Variants in VSX2 observed in about 807,000 individuals in gnomAD.
VSX2 encodes the protein ceh-10 homeo domain containing homolog.
VSX2 carries 28 observed loss-of-function variants against 32.1 expected under a neutral mutation model. The observed-to-expected ratio is 0.87, with a 90% CI of 0.65 to 1.20. The LOEUF (loss-of-function observed/expected upper bound fraction) is 1.20, where lower values mean the gene tolerates loss of function less well. Among genes scored for constraint, VSX2 ranks in the 50% most tolerant of loss-of-function variants. The probability of loss-of-function intolerance (pLI) is 0.00; values close to 1 mark genes in which losing one functional copy is unlikely to be tolerated. For synonymous variants in VSX2, 243 were observed against 214.1 expected (o/e 1.14, Z -1.18); for missense variants, 506 against 488.7 (o/e 1.04, Z -0.33).
chr14:74,248,349 AAACAAAAAAAAC>A (rs1038733540), intron 3 of VSX2, among the ~76,000 whole-genome samples: 1 of 140,154 alleles, frequency 7.1e-6, no homozygotes, highest in African/African-American at 2.6e-5. Flanking sequence ...AAAAAAAAAA[AAACAAAAAAAAC>A]CAAAAACGAG....
Position 74,262,286 on chromosome 14 carries a change from G to A in VSX2, c.*1367G>A, listed in dbSNP as rs528062619. 2 of 152,416 alleles carry A rather than the reference G, an allele frequency of 1.3e-5. No homozygotes were observed. The highest frequency in any genetic ancestry group is 4.8e-5 in the African/African-American group (2 of 41,562). 9.4% of individuals were successfully genotyped at this position (152,416 alleles called of 1,614,324 possible). On this transcript the variant is annotated 3_prime_UTR_variant, in exon 5 of 5. Transcript: ENST00000261980. ...TGGCTGATGGGTGGACCTGTGTATG[G>A]TGACCTCTCCGGCCTGGCCTTTTCC...
rs750778630 is a variant in VSX2, at chr14:74,241,168, C to T, written c.371-14C>T. On this transcript the variant is annotated splice_polypyrimidine_tract_variant and intron_variant, in intron 1 of 4. Coordinates refer to ENST00000261980, the MANE Select transcript of VSX2 (RefSeq NM_182894.3). Reference sequence around the variant, plus strand: ...TCCCCCACTCTGCCGCATGTCCCTACGCCCGCTTTTCAGATTCTGAAGATG... The same window carrying T: ...TCCCCCACTCTGCCGCATGTCCCTATGCCCGCTTTTCAGATTCTGAAGATG... 75 of 1,612,424 alleles carry T rather than the reference C, an allele frequency of 4.7e-5. No individual in the cohort carries two copies. The highest frequency in any genetic ancestry group is 7.7e-5 in the South Asian group (7 of 91,084).
chr14:74,250,704 AT>A (rs398118379), intron 3 of VSX2, among the ~76,000 whole-genome samples: 3 of 150,498 alleles, frequency 2.0e-5, no homozygotes, highest in South Asian at 4.2e-4. Context: ...ACCAGGGCAG[AT>A]TTTTTTTTTC....
chr14:74,250,236 CA>C (rs55760618), intron 3 of VSX2, among the ~76,000 whole-genome samples: 27,611 of 52,488 alleles, frequency 0.53, 3,066 homozygotes, highest in South Asian at 0.59. Context: ...AATCCTGTTT[CA>C]AAAAAAAAAA....
chr14:74,242,636 A>G (rs1555387657), intron 2 of VSX2, among the ~76,000 whole-genome samples: 2 of 138,958 alleles, frequency 1.4e-5, no homozygotes, highest in African/African-American at 5.3e-5. Context: ...TTTTTTTTAC[A>G]TTCAATTCAT....
intron 3 of VSX2, among the ~76,000 whole-genome samples, chr14:74,257,493 A>G (rs2079271775): frequency 6.6e-6 from 1 of 152,250 alleles, no homozygotes; most frequent in Admixed American, 6.5e-5. Context: ...AGAGGCTCCC[A>G]GTTATTTACA....
chr14:74,249,260 G>A (rs534974356), intron 3 of VSX2, among the ~76,000 whole-genome samples: 6 of 152,090 alleles, frequency 3.9e-5, no homozygotes, highest in African/African-American at 1.4e-4. Flanking sequence ...TCCATACCTC[G>A]TTTCTTCTCT....
chr14:74,251,375 G>A (rs920419076), intron 3 of VSX2, among the ~76,000 whole-genome samples: 6 of 152,278 alleles, frequency 3.9e-5, no homozygotes, highest in Admixed American at 3.3e-4. Flanking sequence ...GCTTGAACCC[G>A]GGAGGCGGAG....
At chr14:74,257,543 A>T (rs1311056585) in intron 3 of VSX2, among the ~76,000 whole-genome samples, 3 of 152,352 alleles carry the variant, frequency 2.0e-5, no homozygotes, top group East Asian at 3.9e-4. Flanking sequence ...GGGTCAACTT[A>T]AAGGTGCGCG....
intron 2 of VSX2, among the ~76,000 whole-genome samples, chr14:74,244,792 C>A (rs1594754279): frequency 6.6e-6 from 1 of 151,658 alleles, no homozygotes; most frequent in Non-Finnish European, 1.5e-5. Flanking sequence ...ATAATGGCCA[C>A]CCCCCAAACA....
At chr14:74,255,185 G>A (rs1369715788) in intron 3 of VSX2, among the ~76,000 whole-genome samples, 2 of 152,178 alleles carry the variant, frequency 1.3e-5, no homozygotes, top group East Asian at 3.8e-4. Context: ...GGAATTCCAG[G>A]TCAGGACTGG....
intron 3 of VSX2, among the ~76,000 whole-genome samples, chr14:74,245,585 C>T (rs1010951167): frequency 8.6e-5 from 13 of 152,024 alleles, no homozygotes. Context: ...CTGGAGGGGC[C>T]CCCGGTCCTG....
intron 1 of VSX2, among the ~76,000 whole-genome samples, chr14:74,240,331 G>A (rs1292712342): frequency 6.6e-6 from 1 of 152,134 alleles, no homozygotes; most frequent in Admixed American, 6.5e-5. Flanking sequence ...CCTCGAGCCC[G>A]ATGCTGTTCC....
chr14:74,261,166 CA>C lies in VSX2; in HGVS notation c.*249del. 1.8e-6 allele frequency: 1 copy of C among 565,506 alleles called. No homozygotes were observed. 35.0% of individuals were successfully genotyped at this position (565,506 alleles called of 1,614,324 possible). A position where few individuals can be genotyped will look rare whatever the true frequency, so the allele number is the denominator to read the frequency against. On this transcript the variant is annotated 3_prime_UTR_variant, in exon 5 of 5. Coordinates refer to ENST00000261980, the MANE Select transcript of VSX2 (RefSeq NM_182894.3). ...GCCTCAGAAGCCTTCTTGCTGCCCA[CA>C]ACGTCCCCTCAAGCCCCTTCTCTCA...
Position 74,261,137 on chromosome 14 carries a change from C to T in VSX2, c.*218C>T, listed in dbSNP as rs2079304749. The T allele has an allele frequency of 1.7e-5, 10 of 587,484 alleles. No homozygotes were observed. In the Admixed American group the frequency reaches 2.4e-4, roughly 14 times the overall value. 36.4% of individuals were successfully genotyped at this position (587,484 alleles called of 1,614,324 possible). A position where few individuals can be genotyped will look rare whatever the true frequency, so the allele number is the denominator to read the frequency against. ...CATCTAGTCTTGACCTCTCCAGCAT[C>T]CCAGCCTCAGAAGCCTTCTTGCTGC... On this transcript the variant is annotated 3_prime_UTR_variant, in exon 5 of 5. Coordinates refer to ENST00000261980, the MANE Select transcript of VSX2 (RefSeq NM_182894.3).
intron 1 of VSX2, among the ~76,000 whole-genome samples, chr14:74,240,541 C>G (rs932238511): frequency 5.9e-5 from 9 of 152,148 alleles, no homozygotes; most frequent in African/African-American, 2.2e-4. Context: ...TGGGTGACCT[C>G]TCCGCCTTCT....
chr14:74,260,953 C>T lies in VSX2; in HGVS notation c.*34C>T. 4 of 1,547,354 alleles carry T rather than the reference C, an allele frequency of 2.6e-6. No individual in the cohort carries two copies. Among genetic ancestry groups the T allele is most frequent in the Non-Finnish European group, 2.6e-6 (3 of 1,145,738 alleles). ...GCGCTCAGATGCCGGAGCCCCAAGA[C>T]TCTGCTCTCCTCGGGCCCTGTGGTG... On this transcript the variant is annotated 3_prime_UTR_variant, in exon 5 of 5. Coordinates refer to ENST00000261980, the MANE Select transcript of VSX2 (RefSeq NM_182894.3).
rs968609010 is a variant in VSX2, at chr14:74,260,611, C to T, written c.778C>T (p.Leu260=). 1.2e-6 allele frequency: 2 copies of T among 1,603,894 alleles called. No homozygotes were observed. The highest frequency in any genetic ancestry group is 2.7e-5 in the African/African-American group (2 of 74,882). ...PWLLGMHKKS[L]EAAAESGRKP... The stretch of plus-strand genomic sequence containing the variant: ...CTTTCTAGGGATGCACAAAAAGTCG[C>T]TGGAGGCAGCAGCCGAGTCGGGGAG... Residue 260 remains leucine (L), a synonymous_variant, in exon 5 of 5, where the codon CTG becomes TTG. Transcript: ENST00000261980.
At chr14:74,242,617 CT>C (rs5809656) in intron 2 of VSX2, among the ~76,000 whole-genome samples, 58,802 of 143,502 alleles carry the variant, frequency 0.41, 13,663 homozygotes, top group Non-Finnish European at 0.53. Context: ...GATCTTTGGT[CT>C]TTTTTTTTTT....
Sources: gnomAD v4.1 joint callset for allele counts (sites outside exome capture counted in the v4.1 genomes callset) on GRCh38, gnomAD v4.1.1 for gene constraint, MANE v1.5 for transcripts, NCBI Gene and HGNC (gene_info 2026-07-23, HGNC 2026-07-21) for gene names.